The following SVIL variants were observed in gnomAD, a reference collection of about 807,000 sequenced individuals.
SVIL encodes the protein archvillin.
A neutral mutation model predicts 240.4 loss-of-function variants in SVIL; 101 were observed. The ratio of observed to expected loss-of-function variants is 0.42; its 90% CI spans 0.36 to 0.50. SVIL has a LOEUF of 0.50. SVIL is among the 20% of genes least tolerant of loss of function. SVIL has a pLI of 0.01. For missense variants in SVIL, 2,512 were observed against 2,818.7 expected (o/e 0.89, Z 2.46); for synonymous variants, 999 against 1,100.0 (o/e 0.91, Z 1.82).
intron 1 of SVIL, among the ~76,000 whole-genome samples, chr10:29,579,671 G>T (rs539884871): frequency 4.3e-4 from 65 of 152,282 alleles, no homozygotes; most frequent in African/African-American, 1.5e-3. Flanking sequence ...GCTATTTGGG[G>T]AGTCAGACGC....
chr10:29,724,032 T>C (rs1964138253), intron 1 of SVIL, among the ~76,000 whole-genome samples: 1 of 152,152 alleles, frequency 6.6e-6, no homozygotes, highest in Non-Finnish European at 1.5e-5. Context: ...AAGGGAAGTA[T>C]GAACGGGTTT....
chr10:29,514,434 G>A (rs1435288507), intron 16 of SVIL, among the ~76,000 whole-genome samples: 1 of 152,068 alleles, frequency 6.6e-6, no homozygotes, highest in Non-Finnish European at 1.5e-5. Flanking sequence ...TAGAGACGAG[G>A]TCTTGCTATG....
At chr10:29,522,743 C>T (rs912474048) in intron 15 of SVIL, 108 bp from the exon 16 acceptor site, 26 of 1,242,356 alleles carry the variant, frequency 2.1e-5, no homozygotes, top group Non-Finnish European at 2.8e-5. Flanking sequence ...GGGCACACGG[C>T]GGGTGACCCA....
rs1589430815 is a variant in SVIL, at chr10:29,634,472, C to T, written c.-253G>A. ...TCTAAGTTAAAGGGGGAAAGAAAAT[C>T]ACACTGCAATTCCTTATTTTTCTAA... On this transcript the variant is annotated 5_prime_UTR_variant, in exon 1 of 38. Transcript: ENST00000355867. 6.6e-6 allele frequency: 1 copy of T among 152,162 alleles called. No individual in the cohort carries two copies. Among genetic ancestry groups the T allele is most frequent in the African/African-American group, 2.4e-5 (1 of 41,438 alleles). The allele number at this position is 152,162 out of a possible 1,614,324, so 9.4% of individuals were successfully genotyped here.
chr10:29,642,593 C>T (rs1055141871), intron 3 of SVIL, among the ~76,000 whole-genome samples: 2 of 152,142 alleles, frequency 1.3e-5, no homozygotes, highest in Non-Finnish European at 2.9e-5. Context: ...TTCATATTAC[C>T]AGGACCTAGC....
chr10:29,463,331 A>G (rs941495192), intron 35 of SVIL, among the ~76,000 whole-genome samples, 161 bp downstream of exon 35: 1 of 152,218 alleles, frequency 6.6e-6, no homozygotes, highest in African/African-American at 2.4e-5. Flanking sequence ...ATACATCTCA[A>G]AAAGTTAAAG....
intron 2 of SVIL, among the ~76,000 whole-genome samples, chr10:29,658,227 T>A (rs1014531706): frequency 2.0e-5 from 3 of 152,218 alleles, no homozygotes; most frequent in African/African-American, 7.2e-5. Flanking sequence ...CATCAGCAAC[T>A]ACAGATTACA....
At chr10:29,572,782 G>A (rs12765560) in intron 1 of SVIL, among the ~76,000 whole-genome samples, 1,444 of 85,438 alleles carry the variant, frequency 0.017, 13 homozygotes, top group South Asian at 0.077. Flanking sequence ...AAAAAAAAAA[G>A]AAAAAGAAAA....
intron 1 of SVIL, among the ~76,000 whole-genome samples, chr10:29,622,974 C>T (rs187622121): frequency 9.9e-5 from 15 of 152,184 alleles, no homozygotes; most frequent in South Asian, 4.1e-4. Flanking sequence ...TTTATGTTTT[C>T]GGGACACAAA....
chr10:29,553,424 C>CA (rs1235026282), intron 5 of SVIL, among the ~76,000 whole-genome samples: 1 of 151,892 alleles, frequency 6.6e-6, no homozygotes. Flanking sequence ...ACTAAAAATA[C>CA]AAAAAAATTA....
At chr10:29,572,910 T>C (rs1321908870) in intron 1 of SVIL, among the ~76,000 whole-genome samples, 5 of 152,198 alleles carry the variant, frequency 3.3e-5, no homozygotes, top group South Asian at 4.1e-4. Flanking sequence ...ATCACCCTTT[T>C]TGTGCCTGAA....
intron 3 of SVIL, among the ~76,000 whole-genome samples, chr10:29,649,090 G>T (rs755230780): frequency 3.3e-5 from 5 of 152,138 alleles, no homozygotes; most frequent in Non-Finnish European, 7.4e-5. Context: ...AGCCCAAGAG[G>T]TCAAGGCTGC....
chr10:29,656,664 C>T (rs75844274), intron 3 of SVIL, among the ~76,000 whole-genome samples: 6,411 of 152,236 alleles, frequency 0.042, 202 homozygotes, highest in Admixed American at 0.096. Flanking sequence ...CTTCCAAGCC[C>T]CTTCTGAGTT....
intron 1 of SVIL, among the ~76,000 whole-genome samples, chr10:29,594,165 C>T (rs1156447217): frequency 6.6e-6 from 1 of 151,966 alleles, no homozygotes; most frequent in Non-Finnish European, 1.5e-5. Flanking sequence ...AACTTAAGGC[C>T]ATGTATATAA....
In SVIL at chr10:29,535,971, G is replaced by C. The variant is rs770637037; in HGVS notation, c.908+18C>G. ...AACACTCATGCACACAAGCCCCAGA[G>C]GGCCGGCGTGCGGGTACCTGGAAGG... is the stretch of plus-strand genomic sequence containing the variant. On this transcript the variant is annotated intron_variant, in intron 7 of 37. Transcript: ENST00000355867. 1.4e-5 allele frequency: 22 copies of C among 1,613,796 alleles called. No individual in the cohort carries two copies. In the East Asian group the frequency reaches 3.8e-4, roughly 28 times the overall value.
intron 1 of SVIL, among the ~76,000 whole-genome samples, chr10:29,726,740 C>G (rs139056122): frequency 0.013 from 1,974 of 151,888 alleles, 28 homozygotes; most frequent in Non-Finnish European, 0.022. Flanking sequence ...AAGAAAGACT[C>G]TAACTCAAAA....
At chr10:29,529,367 C>CCAGGAGGG in intron 12 of SVIL, among the ~76,000 whole-genome samples, 1 of 150,672 alleles carries the variant, frequency 6.6e-6, no homozygotes, top group East Asian at 1.9e-4. Flanking sequence ...TGAGCATCAC[C>CCAGGAGGG]GGCCAGGAGC....
At chr10:29,486,332 G>C in intron 25 of SVIL, 78 bp downstream of exon 25, 1 of 1,595,682 alleles carries the variant, frequency 6.3e-7, no homozygotes, top group Non-Finnish European at 8.5e-7. Flanking sequence ...TATTTACAAT[G>C]TAAAATAGAA....
At chr10:29,507,437 G>A (rs1450255659) in intron 17 of SVIL, among the ~76,000 whole-genome samples, 1 of 152,138 alleles carries the variant, frequency 6.6e-6, no homozygotes, top group Non-Finnish European at 1.5e-5. Context: ...GGATCAGTGT[G>A]TGTGTGACTG....
Sources: gnomAD v4.1 joint callset for allele counts (sites outside exome capture counted in the v4.1 genomes callset) on GRCh38, gnomAD v4.1.1 for gene constraint, MANE v1.5 for transcripts, NCBI Gene and HGNC (gene_info 2026-07-23, HGNC 2026-07-21) for gene names.